Variants in ZFYVE1 observed in about 807,000 individuals in gnomAD.
The protein encoded by ZFYVE1 is zinc finger FYVE domain-containing protein 1.
A neutral mutation model predicts 74.4 loss-of-function variants in ZFYVE1; 30 were observed. That is an observed-to-expected ratio of 0.40 (90% confidence interval 0.30 to 0.55). ZFYVE1 has a LOEUF of 0.55. Among genes scored for constraint, ZFYVE1 ranks in the 20% least tolerant of loss-of-function variants. The probability of loss-of-function intolerance (pLI) is 0.42; values close to 1 mark genes in which losing one functional copy is unlikely to be tolerated. For synonymous variants in ZFYVE1, 335 were observed against 385.1 expected (o/e 0.87, Z 1.52); for missense variants, 703 against 1,011.6 (o/e 0.69, Z 4.14).
At chr14:72,977,826 TC>T in intron 8 of ZFYVE1, 100 bp downstream of exon 8, 1 of 1,263,330 alleles carries the variant, frequency 7.9e-7, no homozygotes, top group African/African-American at 1.5e-5. Context: ...ATTCTGAAAT[TC>T]ATGGTTAACC....
chr14:72,992,635 G>A (rs1750373666), intron 4 of ZFYVE1, among the ~76,000 whole-genome samples: 1 of 114,060 alleles, frequency 8.8e-6, no homozygotes, highest in Non-Finnish European at 1.8e-5. Context: ...CCCCTTGCAA[G>A]AGAGAGAGAG....
intron 8 of ZFYVE1, chr14:72,976,086 T>C (rs150928336): frequency 1.2e-3 from 232 of 193,832 alleles, no homozygotes; most frequent in Non-Finnish European, 2.1e-3. Context: ...CATTTAGGTA[T>C]CTGACTTCCC....
At chr14:72,985,915 G>A (rs571142716) in intron 4 of ZFYVE1, among the ~76,000 whole-genome samples, 1 of 152,254 alleles carries the variant, frequency 6.6e-6, no homozygotes, top group South Asian at 2.1e-4. Flanking sequence ...GCCCAGCCAA[G>A]AATAGCAATT....
chr14:73,020,629 G>A (rs1385254288), intron 2 of ZFYVE1, among the ~76,000 whole-genome samples: 1 of 152,226 alleles, frequency 6.6e-6, no homozygotes, highest in Non-Finnish European at 1.5e-5. Context: ...TGTGATTACA[G>A]GCGTGAGCCA....
At chr14:72,980,906 C>T (rs1430310551) in intron 5 of ZFYVE1, among the ~76,000 whole-genome samples, 1 of 152,158 alleles carries the variant, frequency 6.6e-6, no homozygotes, top group Non-Finnish European at 1.5e-5. Context: ...CTATCTCAGA[C>T]CTACTGAATT....
intron 3 of ZFYVE1, among the ~76,000 whole-genome samples, chr14:72,996,341 G>A (rs1332550323): frequency 6.6e-6 from 1 of 152,156 alleles, no homozygotes; most frequent in Non-Finnish European, 1.5e-5. Context: ...TGCATTGAAG[G>A]GAGTTAGAAT....
chr14:73,010,437 A>G (rs1894064424), intron 2 of ZFYVE1, among the ~76,000 whole-genome samples: 1 of 152,172 alleles, frequency 6.6e-6, no homozygotes, highest in African/African-American at 2.4e-5. Flanking sequence ...CCCCTTCTCT[A>G]CTAAAAATAC....
intron 2 of ZFYVE1, among the ~76,000 whole-genome samples, chr14:73,006,249 A>G (rs1269970885): frequency 6.6e-6 from 1 of 150,902 alleles, no homozygotes; most frequent in East Asian, 2.0e-4. Context: ...CTGGCTTTAG[A>G]GCTGGCTCTT....
intron 4 of ZFYVE1, among the ~76,000 whole-genome samples, chr14:72,986,682 C>CAAAA (rs1893490643): frequency 1.3e-5 from 2 of 151,838 alleles, no homozygotes; most frequent in African/African-American, 4.8e-5. Context: ...GCGCGTGCCA[C>CAAAA]CATGCCCAGC....
intron 3 of ZFYVE1, among the ~76,000 whole-genome samples, chr14:72,996,562 C>T (rs943062933): frequency 3.3e-5 from 5 of 152,132 alleles, no homozygotes; most frequent in Non-Finnish European, 1.5e-5. Flanking sequence ...CCCAGCCCTA[C>T]CTGCAGTTCT....
At chr14:72,972,891 G>A (rs1340820438) in intron 11 of ZFYVE1, among the ~76,000 whole-genome samples, 2 of 151,950 alleles carry the variant, frequency 1.3e-5, no homozygotes, top group African/African-American at 2.4e-5. Flanking sequence ...TGTATTTTCA[G>A]TAGAGACGGG....
intron 2 of ZFYVE1, among the ~76,000 whole-genome samples, chr14:73,005,753 C>T (rs1232702222): frequency 6.6e-6 from 1 of 152,156 alleles, no homozygotes; most frequent in Non-Finnish European, 1.5e-5. Context: ...TATTAAAGAC[C>T]AGTCCACTGG....
In ZFYVE1 at chr14:73,027,101, C is replaced by T. The variant is rs1894481320; in HGVS notation, c.-610G>A. 2.5e-6 allele frequency: 1 copy of T among 398,830 alleles called. No homozygotes were observed. Among genetic ancestry groups the T allele is most frequent in the East Asian group, 3.6e-5 (1 of 28,076 alleles). 24.7% of individuals were successfully genotyped at this position (398,830 alleles called of 1,614,324 possible). On this transcript the variant is annotated 5_prime_UTR_variant, in exon 1 of 12. Transcript: ENST00000556143. ...CTGTTGTCAGTTGGGATCAGCTGAT[C>T]GGAGTGAACTTCTCCCAGCTCGGAC...
At chr14:72,988,896 G>A (rs960760352) in intron 4 of ZFYVE1, among the ~76,000 whole-genome samples, 1 of 146,674 alleles carries the variant, frequency 6.8e-6, no homozygotes, top group Non-Finnish European at 1.5e-5. Flanking sequence ...ATACATACAC[G>A]CACATGCACT....
Position 72,991,810 on chromosome 14 carries a change from A to G in ZFYVE1, c.1203+1333T>C, listed in dbSNP as rs139131335. On this transcript the variant is annotated intron_variant, in intron 4 of 11. Coordinates refer to ENST00000556143, the MANE Select transcript of ZFYVE1 (RefSeq NM_021260.4). ...ATAGTTTTTCCTTAATATTATTCAC[A>G]ATTAACATTCACTGAACATTTTTAC... is the stretch of plus-strand genomic sequence containing the variant. Among the ~76,000 whole-genome samples, 370 of 152,240 alleles carry G rather than the reference A, an allele frequency of 2.4e-3. 1 individual carries two copies. Among genetic ancestry groups the G allele is most frequent in the Middle Eastern group, 0.017 (5 of 294 alleles).
chr14:72,992,257 C>G (rs1479409681), intron 4 of ZFYVE1, among the ~76,000 whole-genome samples: 2 of 152,152 alleles, frequency 1.3e-5, no homozygotes, highest in Non-Finnish European at 2.9e-5. Context: ...GTCTCAGAAC[C>G]TTCCATGCGT....
At position 73,024,469 on chromosome 14, in the gene ZFYVE1, G is replaced by A. The variant is rs755799535; in HGVS notation, c.40C>T (p.Pro14Ser). 1.2e-6 allele frequency: 2 copies of A among 1,612,740 alleles called. No individual in the cohort carries two copies. Among genetic ancestry groups the A allele is most frequent in the Admixed American group, 3.3e-5 (2 of 59,860 alleles). ...QTSPAEKGLN[P>S]GLMCQESYAC... ...TAACTTTCCTGGCACATCAGCCCCG[G>A]ATTCAGGCCCTTCTCTGCTGGGGAA... The change falls in exon 2 of 12, where the codon CCG (proline) becomes TCG (serine). Residue 14 changes from proline (P) to serine (S), a missense_variant. This residue lies in a region of ZFYVE1 where 211 missense variants were observed against 221.7 expected (regional missense o/e 0.95). Coordinates refer to ENST00000556143, the MANE Select transcript of ZFYVE1 (RefSeq NM_021260.4).
intron 2 of ZFYVE1, among the ~76,000 whole-genome samples, chr14:73,016,328 G>A (rs1368081593): frequency 2.0e-5 from 3 of 152,196 alleles, no homozygotes; most frequent in Admixed American, 6.5e-5. Flanking sequence ...TGGATAACAC[G>A]GTGAAACCCC....
At chr14:72,991,228 TGCCC>T (rs1236637682) in intron 4 of ZFYVE1, among the ~76,000 whole-genome samples, 1 of 144,784 alleles carries the variant, frequency 6.9e-6, no homozygotes, top group African/African-American at 2.5e-5. Flanking sequence ...CTCGCTCTGT[TGCCC>T]AGGCTGGAGT....
Sources: allele counts gnomAD v4.1 joint callset (sites outside exome capture counted in the v4.1 genomes callset), GRCh38; gene constraint gnomAD v4.1.1; regional missense constraint gnomAD v4.1.1; transcripts MANE v1.5; gene names NCBI Gene and HGNC (gene_info 2026-07-23, HGNC 2026-07-21).